RAPGEF5: variants seen among roughly 807,000 people sequenced by gnomAD.
RAPGEF5 encodes M-Ras-regulated GEF.
Under a neutral mutation model 125.2 loss-of-function variants are expected in RAPGEF5, and 65 were observed. That is an observed-to-expected ratio of 0.52 (90% CI 0.43 to 0.64). The LOEUF (loss-of-function observed/expected upper bound fraction) is 0.64. RAPGEF5 is among the 30% of genes least tolerant of loss of function. RAPGEF5 has a pLI of 0.00. For synonymous variants in RAPGEF5, 391 were observed against 385.9 expected, an observed-to-expected ratio of 1.01 and a Z score of -0.16; for missense variants, 958 against 1,048.1, an observed-to-expected ratio of 0.91 and a Z score of 1.19.
intron 1 of RAPGEF5, among the ~76,000 whole-genome samples, chr7:22,337,459 G>A (rs561483688): frequency 6.6e-6 from 1 of 152,206 alleles, no homozygotes; most frequent in Non-Finnish European, 1.5e-5. Flanking sequence ...CTCCAAAACG[G>A]CTGATAATTG....
At chr7:22,305,506 T>C (rs969590624) in intron 5 of RAPGEF5, among the ~76,000 whole-genome samples, 101 of 152,296 alleles carry the variant, frequency 6.6e-4, no homozygotes, top group African/African-American at 2.2e-3. Flanking sequence ...AAGCACATCA[T>C]AGAGAATGGG....
chr7:22,162,883 C>T (rs1347070307), intron 12 of RAPGEF5: 1 of 470,600 alleles, frequency 2.1e-6, no homozygotes, highest in Non-Finnish European at 4.2e-6. Flanking sequence ...GAGAGCTAGC[C>T]TCACTACACA....
At chr7:22,274,653 C>T (rs947349552) in intron 6 of RAPGEF5, among the ~76,000 whole-genome samples, 28 of 152,150 alleles carry the variant, frequency 1.8e-4, no homozygotes, top group African/African-American at 5.8e-4. Context: ...TTACCAATTC[C>T]GCTGCACTCC....
chr7:22,309,880 G>A, intron 4 of RAPGEF5, 89 bp downstream of exon 4: 2 of 1,361,182 alleles, frequency 1.5e-6, no homozygotes, highest in Non-Finnish European at 2.0e-6. Flanking sequence ...TTTCCATCCA[G>A]ACTGTAACAT....
chr7:22,307,922 G>A (rs17146653), intron 5 of RAPGEF5, among the ~76,000 whole-genome samples: 2 of 151,982 alleles, frequency 1.3e-5, no homozygotes, highest in Non-Finnish European at 2.9e-5. Context: ...GATGATTCAC[G>A]TGTTTTAATT....
chr7:22,222,502 C>T (rs1295046558), intron 8 of RAPGEF5, among the ~76,000 whole-genome samples: 2 of 152,126 alleles, frequency 1.3e-5, no homozygotes. Flanking sequence ...GGCAGAGGAA[C>T]AGCAAGTACA....
At chr7:22,288,739 G>T (rs1435023319) in intron 6 of RAPGEF5, among the ~76,000 whole-genome samples, 1 of 151,954 alleles carries the variant, frequency 6.6e-6, no homozygotes. Flanking sequence ...AGCCAGGATG[G>T]TCTCAATCTT....
intron 1 of RAPGEF5, among the ~76,000 whole-genome samples, chr7:22,343,560 C>T (rs958769852): frequency 6.6e-6 from 1 of 152,158 alleles, no homozygotes; most frequent in African/African-American, 2.4e-5. Flanking sequence ...TTCAACCTAG[C>T]ATGACATTTC....
rs111778839 is a variant in RAPGEF5 at position 22,268,054 on chromosome 7, A to G, written c.748-1042T>C. Among the ~76,000 whole-genome samples, 504 of 152,312 alleles carry G rather than the reference A, an allele frequency of 3.3e-3. 5 individuals are homozygous for G. Among genetic ancestry groups the G allele is most frequent in the African/African-American group, 0.011 (460 of 41,570 alleles). On this transcript the variant is annotated intron_variant, in intron 6 of 25. Coordinates refer to ENST00000665637, the MANE Select transcript of RAPGEF5 (RefSeq NM_012294.5). Reference sequence around the variant, plus strand: ...TCCACATAGGACTGGCTTTCTCAACAGCCAGGGCATTATCACCCCTGCAGA... The same window carrying G: ...TCCACATAGGACTGGCTTTCTCAACGGCCAGGGCATTATCACCCCTGCAGA...
At chr7:22,289,358 C>T (rs1332438771) in intron 6 of RAPGEF5, among the ~76,000 whole-genome samples, 1 of 152,174 alleles carries the variant, frequency 6.6e-6, no homozygotes, top group Non-Finnish European at 1.5e-5. Flanking sequence ...AGTTCTGACT[C>T]TTGTTTTGTT....
Position 22,132,442 on chromosome 7 carries a change from G to C in RAPGEF5, c.2417-1341C>G, listed in dbSNP as rs369130037. 3.2e-4 allele frequency among the ~76,000 whole-genome samples: 49 copies of C among 151,308 alleles called. No homozygotes were observed. In the South Asian group the frequency reaches 7.3e-3, roughly 23 times the overall value. On this transcript the variant is annotated intron_variant, in intron 23 of 25. Transcript: ENST00000665637. ...AAAACGATTCACAACTAATTACACA[G>C]TCTCCTGACAAACTCTCTGGTTATT...
chr7:22,293,087 G>C (rs1390456694), intron 5 of RAPGEF5, among the ~76,000 whole-genome samples: 1 of 152,210 alleles, frequency 6.6e-6, no homozygotes, highest in African/African-American at 2.4e-5. Context: ...AAGAGGGACA[G>C]AGTGATGATC....
At chr7:22,199,471 A>G (rs1269589119) in intron 9 of RAPGEF5, among the ~76,000 whole-genome samples, 1 of 147,674 alleles carries the variant, frequency 6.8e-6, no homozygotes, top group African/African-American at 2.5e-5. Flanking sequence ...AACTGGGTAG[A>G]CATGAATTAT....
intron 9 of RAPGEF5, among the ~76,000 whole-genome samples, chr7:22,211,117 C>T (rs1299895486): frequency 6.6e-6 from 1 of 152,176 alleles, no homozygotes; most frequent in Non-Finnish European, 1.5e-5. Flanking sequence ...TCTATTTTTG[C>T]TATCTTAAAA....
chr7:22,246,760 G>T (rs1019612476), intron 7 of RAPGEF5, among the ~76,000 whole-genome samples: 2 of 152,092 alleles, frequency 1.3e-5, no homozygotes, highest in Admixed American at 1.3e-4. Context: ...TTTCTGGACA[G>T]CAAAATAAAT....
rs560221683 is a variant in RAPGEF5, at chr7:22,317,996, C to T, written c.273G>A (p.Thr91=). 7.7e-5 allele frequency: 119 copies of T among 1,547,472 alleles called. No homozygotes were observed. The highest frequency in any genetic ancestry group is 2.2e-4 in the African/African-American group (16 of 72,798). ...RRISNPYLEH[T]PSQIYGENSS... is the part of the protein sequence containing the mutation. The stretch of plus-strand genomic sequence containing the variant: ...GAGAAAGGAATCATACCTGGGAAGG[C>T]GTATGTTCAAGGTACGGATTAGATA... Residue 91 remains threonine (T), a synonymous_variant, in exon 2 of 26, where the codon ACG becomes ACA. Transcript: ENST00000665637.
In RAPGEF5 at chr7:22,155,926, C is replaced by T. The variant is rs57768049; in HGVS notation, c.1636+884G>A. On this transcript the variant is annotated intron_variant, in intron 16 of 25. Transcript: ENST00000665637. ...AAAACTACACGATGAAACTTTAAGACAAATGGGCAAGGAAGGTCAGCAACG... is the reference window on the plus strand; with the variant it reads ...AAAACTACACGATGAAACTTTAAGATAAATGGGCAAGGAAGGTCAGCAACG... 6.6e-3 allele frequency among the ~76,000 whole-genome samples: 1,008 copies of T among 152,262 alleles called. 17 individuals are homozygous for T. The highest frequency in any genetic ancestry group is 0.023 in the African/African-American group (970 of 41,544).
Position 22,329,450 on chromosome 7 carries a change from C to T in RAPGEF5, c.232-11413G>A, listed in dbSNP as rs80049353. 9.6e-3 allele frequency among the ~76,000 whole-genome samples: 1,455 copies of T among 152,218 alleles called. 29 individuals are homozygous for T. The highest frequency in any genetic ancestry group is 0.032 in the African/African-American group (1,346 of 41,516). On this transcript the variant is annotated intron_variant, in intron 1 of 25. Transcript: ENST00000665637. ...GTATGTTTACTACTTAAAAGGATTC[C>T]CCCCACTCTGGTTCCTCCTCCCTTC... is the stretch of plus-strand genomic sequence containing the variant.
chr7:22,169,859 C>CCAAAAAAAA (rs553302336), intron 11 of RAPGEF5, among the ~76,000 whole-genome samples: 1 of 25,936 alleles, frequency 3.9e-5, no homozygotes, highest in African/African-American at 2.0e-4. Context: ...GACTCTGTGT[C>CCAAAAAAAA]AAAAAAAAAA....
Sources: gnomAD v4.1 joint callset for allele counts (sites outside exome capture counted in the v4.1 genomes callset) on GRCh38, gnomAD v4.1.1 for gene constraint, MANE v1.5 for transcripts, NCBI Gene and HGNC (gene_info 2026-07-23, HGNC 2026-07-21) for gene names.